The following RALGPS1 variants were observed in gnomAD, a reference collection of about 807,000 sequenced individuals.
RALGPS1 encodes the protein ras-specific guanine nucleotide-releasing factor RalGPS1.
Under a neutral mutation model 78.8 loss-of-function variants are expected in RALGPS1, and 19 were observed. The ratio of observed to expected loss-of-function variants is 0.24; its 90% confidence interval spans 0.17 to 0.35. RALGPS1 has a LOEUF of 0.35. Ranked by LOEUF, RALGPS1 falls within the 10% of genes least tolerant of loss-of-function variation. RALGPS1 has a pLI of 1.00. For missense variants in RALGPS1, 454 were observed against 688.3 expected, an observed-to-expected ratio of 0.66 and a Z score of 3.81; for synonymous variants, 228 against 256.3, an observed-to-expected ratio of 0.89 and a Z score of 1.06.
At chr9:127,133,195 G>T (rs575341078) in intron 8 of RALGPS1, among the ~76,000 whole-genome samples, 4 of 152,372 alleles carry the variant, frequency 2.6e-5, no homozygotes, top group Admixed American at 1.3e-4. Flanking sequence ...CCCATGGGGA[G>T]GGAATGGGAG....
intron 8 of RALGPS1, among the ~76,000 whole-genome samples, chr9:127,145,959 TG>T (rs2058070271): frequency 6.6e-6 from 1 of 152,274 alleles, no homozygotes; most frequent in South Asian, 2.1e-4. Context: ...GTTTACTGTC[TG>T]GCAGCTCTGC....
At chr9:127,089,722 A>G (rs1169347477) in intron 8 of RALGPS1, among the ~76,000 whole-genome samples, 1 of 152,260 alleles carries the variant, frequency 6.6e-6, no homozygotes, top group Non-Finnish European at 1.5e-5. Flanking sequence ...ATATTTCCAT[A>G]AAACTCTTGG....
chr9:127,202,661 C>T (rs1211203235), intron 14 of RALGPS1, among the ~76,000 whole-genome samples: 1 of 152,158 alleles, frequency 6.6e-6, no homozygotes, highest in South Asian at 2.1e-4. Flanking sequence ...TTCTGAGCCC[C>T]CAGGCTGCCT....
chr9:126,935,796 A>G (rs1050972182), intron 1 of RALGPS1, among the ~76,000 whole-genome samples: 5 of 152,364 alleles, frequency 3.3e-5, no homozygotes, highest in Non-Finnish European at 7.4e-5. Context: ...GAAGTCACAC[A>G]GCAAGGAAGT....
intron 8 of RALGPS1, among the ~76,000 whole-genome samples, chr9:127,083,376 A>T (rs2051373279): frequency 6.6e-6 from 1 of 152,210 alleles, no homozygotes; most frequent in African/African-American, 2.4e-5. Context: ...GAGGACGTGA[A>T]CTGAAAAATG....
intron 8 of RALGPS1, among the ~76,000 whole-genome samples, chr9:127,128,039 C>G (rs538607018): frequency 9.6e-4 from 144 of 150,436 alleles, no homozygotes; most frequent in South Asian, 3.3e-3. Flanking sequence ...CCCCACCCCC[C>G]TCTCTGTGTC....
At chr9:127,042,268 A>G (rs2047383093) in intron 5 of RALGPS1, among the ~76,000 whole-genome samples, 1 of 152,188 alleles carries the variant, frequency 6.6e-6, no homozygotes, top group Non-Finnish European at 1.5e-5. Flanking sequence ...CACTATAACA[A>G]TAATAGTGTT....
At chr9:127,203,610 C>A (rs1387337074) in intron 14 of RALGPS1, among the ~76,000 whole-genome samples, 1 of 152,136 alleles carries the variant, frequency 6.6e-6, no homozygotes, top group African/African-American at 2.4e-5. Flanking sequence ...CAGTGCACAA[C>A]CCTCTCTGAA....
rs1207050474 is a variant in RALGPS1, at chr9:127,021,631, T to C, written c.217-12800T>C. Among the ~76,000 whole-genome samples, 632 of 150,710 alleles carry C rather than the reference T, an allele frequency of 4.2e-3. 5 individuals carry two copies. The highest frequency in any genetic ancestry group is 0.014 in the African/African-American group (593 of 41,348). ...AGAAAAGTTTTTCTTCTTCTTCTTT[T>C]TTTTTTTTTTTTTTAAAGAGAACAT... On this transcript the variant is annotated intron_variant, in intron 4 of 18. Transcript: ENST00000259351.
At chr9:127,089,693 A>C (rs575644937) in intron 8 of RALGPS1, among the ~76,000 whole-genome samples, 1 of 152,344 alleles carries the variant, frequency 6.6e-6, no homozygotes, top group South Asian at 2.1e-4. Context: ...AATTTTTTGT[A>C]TTACTTCACA....
intron 8 of RALGPS1, among the ~76,000 whole-genome samples, chr9:127,096,938 G>A (rs2053201485): frequency 6.6e-6 from 1 of 152,140 alleles, no homozygotes; most frequent in Admixed American, 6.5e-5. Flanking sequence ...CATTAGAGGA[G>A]CCCCTCAAGG....
At chr9:126,923,414 T>A (rs971393091) in intron 1 of RALGPS1, among the ~76,000 whole-genome samples, 2 of 152,198 alleles carry the variant, frequency 1.3e-5, no homozygotes, top group African/African-American at 2.4e-5. Flanking sequence ...ACACTCATTG[T>A]AGAAGTCGCA....
In RALGPS1 at chr9:127,166,914, A is replaced by T. The variant is rs191584092; in HGVS notation, c.748+708A>T. Among the ~76,000 whole-genome samples, 60 of 152,110 alleles carry T rather than the reference A, an allele frequency of 3.9e-4. 1 individual carries two copies. In the East Asian group the frequency reaches 0.01, roughly 26 times the overall value. On this transcript the variant is annotated intron_variant, in intron 9 of 18. Coordinates refer to ENST00000259351, the MANE Select transcript of RALGPS1 (RefSeq NM_014636.3). ...ATGTGGGGATTGATTTCACCCGAGA[A>T]GATGGCAGACTTGGGGTGTGGAGCT... is the stretch of plus-strand genomic sequence containing the variant.
intron 4 of RALGPS1, among the ~76,000 whole-genome samples, chr9:127,022,214 G>C (rs992516376): frequency 1.3e-5 from 2 of 152,038 alleles, no homozygotes; most frequent in African/African-American, 2.4e-5. Flanking sequence ...GGGGCCTCGG[G>C]AGGCCCTCAT....
rs1056182326 is a variant in RALGPS1, at chr9:127,205,365, T to C, written c.1247+6299T>C. ...TTCTGATTTGGGTTTCCCTCCGATATGTGATCTCTTGCCTTACTCCCTTAG... is the reference window on the plus strand; with the variant it reads ...TTCTGATTTGGGTTTCCCTCCGATACGTGATCTCTTGCCTTACTCCCTTAG... On this transcript the variant is annotated intron_variant, in intron 14 of 18. Transcript: ENST00000259351. The surrounding 1 kb of genome is among the most constrained non-coding windows in gnomAD (Gnocchi z 4.0). 2.0e-5 allele frequency among the ~76,000 whole-genome samples: 3 copies of C among 152,226 alleles called. No homozygotes were observed. Among genetic ancestry groups the C allele is most frequent in the African/African-American group, 7.2e-5 (3 of 41,456 alleles).
chr9:127,050,618 G>T (rs1026701252), intron 6 of RALGPS1, among the ~76,000 whole-genome samples: 1 of 151,966 alleles, frequency 6.6e-6, no homozygotes, highest in Non-Finnish European at 1.5e-5. Context: ...TGACTCTGCA[G>T]CCCCCCATCC....
chr9:127,131,522 T>C (rs954494699), intron 8 of RALGPS1, among the ~76,000 whole-genome samples: 1 of 152,234 alleles, frequency 6.6e-6, no homozygotes, highest in Admixed American at 6.5e-5. Flanking sequence ...AAGTTCTCTT[T>C]GTCCGTCTTC....
intron 8 of RALGPS1, among the ~76,000 whole-genome samples, chr9:127,097,646 C>T (rs564900042): frequency 6.6e-6 from 1 of 152,198 alleles, no homozygotes; most frequent in Non-Finnish European, 1.5e-5. Flanking sequence ...ATAGCAGAGA[C>T]AAAACATCCT....
chr9:127,107,817 C>G, intron 8 of RALGPS1: 2 of 1,303,420 alleles, frequency 1.5e-6, no homozygotes, highest in Middle Eastern at 2.8e-4. Flanking sequence ...GGCCTGGCTT[C>G]AACTGGCCAT....
Sources: gnomAD v4.1 joint callset for allele counts (sites outside exome capture counted in the v4.1 genomes callset) on GRCh38, gnomAD v4.1.1 for gene constraint, Gnocchi (gnomAD v3.1) non-coding constraint, MANE v1.5 for transcripts, NCBI Gene and HGNC (gene_info 2026-07-23, HGNC 2026-07-21) for gene names.